Variants in SRPX observed in about 807,000 individuals in gnomAD.
SRPX encodes the protein sushi repeat containing protein X-linked, also known as sushi repeat-containing protein SRPX.
SRPX carries 24 observed loss-of-function variants against 38.1 expected under a neutral mutation model. The observed-to-expected ratio is 0.63, with a 90% CI of 0.46 to 0.89. The LOEUF (loss-of-function observed/expected upper bound fraction) is 0.89. Ranked by LOEUF, SRPX falls within the 40% of genes least tolerant of loss-of-function variation. The pLI is 0.00. For synonymous variants in SRPX, 184 were observed against 153.8 expected, an observed-to-expected ratio of 1.20 and a Z score of -1.45; for missense variants, 416 against 377.8, an observed-to-expected ratio of 1.10 and a Z score of -0.84.
At chrX:38,164,433 G>A (rs921151566) in intron 5 of SRPX, among the ~76,000 whole-genome samples, 6 of 112,117 alleles carry the variant, frequency 5.4e-5, no homozygotes, top group Non-Finnish European at 1.1e-4. Flanking sequence ...ATGAGCCACC[G>A]CACCCAGCCA....
chrX:38,169,694 T>G (rs1938433253), intron 4 of SRPX, among the ~76,000 whole-genome samples: 1 of 111,867 alleles, frequency 8.9e-6, no homozygotes, highest in Admixed American at 9.5e-5. Context: ...TGCTGGTTTT[T>G]CATTGTCCGT....
At chrX:38,199,298 C>T (rs1171178172) in intron 1 of SRPX, among the ~76,000 whole-genome samples, 2 of 111,528 alleles carry the variant, frequency 1.8e-5, no homozygotes, top group East Asian at 2.8e-4. Flanking sequence ...TCCAGCTACT[C>T]GGGAGGCTGA....
chrX:38,152,090 C>T (rs1034276477), intron 9 of SRPX, among the ~76,000 whole-genome samples: 15 of 111,715 alleles, frequency 1.3e-4, no homozygotes, highest in African/African-American at 4.9e-4. Context: ...TTACATTATG[C>T]AGGCATTATG....
At chrX:38,177,493 C>A (rs1938586579) in intron 2 of SRPX, among the ~76,000 whole-genome samples, 1 of 110,828 alleles carries the variant, frequency 9.0e-6, no homozygotes, top group Admixed American at 9.6e-5. Flanking sequence ...TGTCCTCATC[C>A]CAGGAATTAG....
rs6609400 is a variant in SRPX, at chrX:38,187,976, C to A, written c.98-9632G>T. Among the ~76,000 whole-genome samples the A allele has an allele frequency of 0.056, 6,292 of 111,433 alleles. 729 individuals carry two copies. In the East Asian group the frequency reaches 0.67, roughly 12 times the overall value. The stretch of plus-strand genomic sequence containing the variant: ...GGTGTATATGTTTGAAGGAGTAGAG[C>A]GAAAAAGAAACTTTAGCTTTTCAGA... On this transcript the variant is annotated intron_variant, in intron 1 of 9. Transcript: ENST00000378533.
At chrX:38,157,963 A>G (rs1938163269) in intron 7 of SRPX, among the ~76,000 whole-genome samples, 1 of 112,504 alleles carries the variant, frequency 8.9e-6, no homozygotes, top group Non-Finnish European at 1.9e-5. Context: ...TGGGCTGACA[A>G]TGCTTTCATA....
intron 4 of SRPX, among the ~76,000 whole-genome samples, chrX:38,168,111 C>T (rs943984537): frequency 5.4e-4 from 60 of 111,532 alleles, no homozygotes; most frequent in African/African-American, 1.8e-3. Flanking sequence ...ATCCTTGACA[C>T]ATCTAACCCG....
At chrX:38,200,621 G>A (rs999066495) in intron 1 of SRPX, among the ~76,000 whole-genome samples, 2 of 111,688 alleles carry the variant, frequency 1.8e-5, no homozygotes, top group Non-Finnish European at 1.9e-5. Context: ...AAGGGCAGAA[G>A]GGAGTACATG....
intron 1 of SRPX, among the ~76,000 whole-genome samples, chrX:38,184,813 T>G (rs1196555586): frequency 8.9e-6 from 1 of 111,857 alleles, no homozygotes; most frequent in East Asian, 2.8e-4. Context: ...GATAAATGCT[T>G]ATCATACTGG....
At chrX:38,158,146 G>A (rs1938167572) in intron 7 of SRPX, among the ~76,000 whole-genome samples, 1 of 112,348 alleles carries the variant, frequency 8.9e-6, no homozygotes, top group African/African-American at 3.2e-5. Flanking sequence ...GGCTGGCTTT[G>A]GAATGGCTCA....
At chrX:38,210,288 A>T (rs746531435) in intron 1 of SRPX, among the ~76,000 whole-genome samples, 34 of 111,953 alleles carry the variant, frequency 3.0e-4, no homozygotes, top group South Asian at 3.8e-4. Flanking sequence ...CCACTTTGAG[A>T]TTCTGTGGTC....
In SRPX at chrX:38,178,266, A is replaced by C; in HGVS notation, c.157+19T>G. 1 of 1,198,594 alleles carries C rather than the reference A, an allele frequency of 8.3e-7. No individual in the cohort carries two copies. Among genetic ancestry groups the C allele is most frequent in the Non-Finnish European group, 1.1e-6 (1 of 884,780 alleles). On this transcript the variant is annotated intron_variant, in intron 2 of 9. Coordinates refer to ENST00000378533, the MANE Select transcript of SRPX (RefSeq NM_006307.5). ...CTGGCACCAGCAGGTCCTCATTAGC[A>C]CATAAGCAAAGCATTCACCTTTATA...
chrX:38,170,705 A>G (rs1345430041), intron 4 of SRPX, among the ~76,000 whole-genome samples: 1 of 112,052 alleles, frequency 8.9e-6, no homozygotes, highest in Non-Finnish European at 1.9e-5. Context: ...AGCTTAAGAC[A>G]TGCTGTTGGT....
chrX:38,176,929 A>G (rs778096537), intron 2 of SRPX, among the ~76,000 whole-genome samples: 1 of 112,242 alleles, frequency 8.9e-6, no homozygotes, highest in African/African-American at 3.2e-5. Flanking sequence ...CAATGCCCTA[A>G]GAAAATTTAT....
intron 1 of SRPX, among the ~76,000 whole-genome samples, chrX:38,183,163 C>T (rs181971937): frequency 3.8e-3 from 413 of 108,963 alleles, no homozygotes; most frequent in African/African-American, 0.013. Flanking sequence ...AAGAGATTCT[C>T]GTGCCTCAGC....
At chrX:38,175,302 T>G (rs747204665) in intron 2 of SRPX, among the ~76,000 whole-genome samples, 113 of 111,356 alleles carry the variant, frequency 1.0e-3, no homozygotes, top group Non-Finnish European at 1.9e-3. Context: ...GGCTCATCAC[T>G]CCAACCCAGC....
chrX:38,183,490 C>T (rs1938709753), intron 1 of SRPX, among the ~76,000 whole-genome samples: 1 of 111,920 alleles, frequency 8.9e-6, no homozygotes, highest in South Asian at 3.8e-4. Context: ...AAAATAGACA[C>T]CCTGAAAGAT....
chrX:38,172,005 T>G lies in SRPX; in HGVS notation c.402A>C (p.Val134=). The G allele has an allele frequency of 8.3e-7, 1 of 1,211,959 alleles. No individual in the cohort carries two copies. The highest frequency in any genetic ancestry group is 1.1e-6 in the Non-Finnish European group (1 of 895,441). Residue 134 remains valine, a synonymous_variant, in exon 4 of 10, where the codon GTA becomes GTC. Coordinates refer to ENST00000378533, the MANE Select transcript of SRPX (RefSeq NM_006307.5). The part of the protein sequence containing the change: ...AMPANGGFKC[V]DGAYFNSRCE... ...ACCGGGAGTTAAAGTAGGCACCATC[T>G]ACACACTTAAACCCTCCATTTGCTG...
rs35970219 is a variant in SRPX, at chrX:38,199,263, A to G, written c.98-20919T>C. 9.1e-3 allele frequency among the ~76,000 whole-genome samples: 1,009 copies of G among 111,157 alleles called. 20 individuals carry two copies. The highest frequency in any genetic ancestry group is 0.069 in the Admixed American group (716 of 10,373). The stretch of plus-strand genomic sequence containing the variant: ...CTACTAAAAATACAAAAAATTAGCC[A>G]GGCGTGGTGGCGGGCGCCTGTAGTT... On this transcript the variant is annotated intron_variant, in intron 1 of 9. Transcript: ENST00000378533.
Sources: gnomAD v4.1 joint callset for allele counts (sites outside exome capture counted in the v4.1 genomes callset) on GRCh38, gnomAD v4.1.1 for gene constraint, MANE v1.5 for transcripts, NCBI Gene and HGNC (gene_info 2026-07-23, HGNC 2026-07-21) for gene names.